AEBP2: variants seen among roughly 807,000 people sequenced by gnomAD.
AEBP2 encodes zinc finger protein AEBP2.
A neutral mutation model predicts 50.8 loss-of-function variants in AEBP2; 10 were observed. The observed-to-expected ratio is 0.20, with a 90% CI of 0.12 to 0.33. The LOEUF (loss-of-function observed/expected upper bound fraction) is 0.33. Ranked by LOEUF, AEBP2 falls within the 10% of genes least tolerant of loss-of-function variation. The pLI is 1.00. For synonymous variants in AEBP2, 296 were observed against 261.3 expected (o/e 1.13, Z -1.28); for missense variants, 570 against 688.0 (o/e 0.83, Z 1.92).
At chr12:19,467,032 G>C (rs1044615843) in intron 2 of AEBP2, among the ~76,000 whole-genome samples, 4 of 152,124 alleles carry the variant, frequency 2.6e-5, no homozygotes, top group Non-Finnish European at 2.9e-5. Flanking sequence ...GTCAAGTGGA[G>C]TTTAGATTTT....
chr12:19,430,533 G>A (rs867241630), intron 1 of AEBP2, among the ~76,000 whole-genome samples: 3 of 152,096 alleles, frequency 2.0e-5, no homozygotes, highest in East Asian at 3.9e-4. Context: ...GTAGCTTGAC[G>A]GGGATGGCAT....
At chr12:19,492,043 A>AT (rs893523552) in intron 3 of AEBP2, among the ~76,000 whole-genome samples, 13 of 152,188 alleles carry the variant, frequency 8.5e-5, no homozygotes, top group Non-Finnish European at 1.6e-4. Flanking sequence ...GAGGCATGTG[A>AT]TTTTTTTAAA....
rs145537122 is a variant in AEBP2, at chr12:19,441,365, T to A, written c.671+995T>A. On this transcript the variant is annotated intron_variant, in intron 1 of 7. Coordinates refer to ENST00000266508, the MANE Select transcript of AEBP2 (RefSeq NM_153207.5). Reference sequence around the variant, plus strand: ...GGTTAGTTGGTTTTTAATGTACTTTTAAAAAAACGAGAATCACATGCATAT... The same window carrying A: ...GGTTAGTTGGTTTTTAATGTACTTTAAAAAAAACGAGAATCACATGCATAT... 1.1e-3 allele frequency among the ~76,000 whole-genome samples: 170 copies of A among 152,294 alleles called. 1 individual carries two copies. Among genetic ancestry groups the A allele is most frequent in the African/African-American group, 3.7e-3 (153 of 41,564 alleles).
intron 1 of AEBP2, among the ~76,000 whole-genome samples, chr12:19,448,297 T>C (rs1328870967): frequency 6.6e-6 from 1 of 152,096 alleles, no homozygotes; most frequent in African/African-American, 2.4e-5. Flanking sequence ...ATTTTAAAAG[T>C]AAAGATCAGG....
rs371713996 is a variant in AEBP2, at chr12:19,496,820, C to G, written c.1174+2834C>G. Among the ~76,000 whole-genome samples the G allele has an allele frequency of 2.6e-5, 4 of 151,450 alleles. No homozygotes were observed. In the East Asian group the frequency reaches 7.8e-4, roughly 29 times the overall value. ...TGGGCTACAGGCACACACCACCACA[C>G]CCAACTAATTTTTGTATTTTTTTTT... On this transcript the variant is annotated intron_variant, in intron 4 of 7. Coordinates refer to ENST00000266508, the MANE Select transcript of AEBP2 (RefSeq NM_153207.5).
chr12:19,486,781 A>G (rs1331216989), intron 3 of AEBP2, among the ~76,000 whole-genome samples: 2 of 151,930 alleles, frequency 1.3e-5, no homozygotes, highest in East Asian at 3.9e-4. Context: ...ATGATATCTT[A>G]ATACTACCAG....
rs1949404428 is a variant in AEBP2, at chr12:19,521,915, C to T, written c.*3798C>T. The T allele has an allele frequency of 6.6e-6, 1 of 151,772 alleles. No homozygotes were observed. The highest frequency in any genetic ancestry group is 2.4e-5 in the African/African-American group (1 of 41,324). 9.4% of individuals were successfully genotyped at this position (151,772 alleles called of 1,614,324 possible). A position where few individuals can be genotyped will look rare whatever the true frequency, so the allele number is the denominator to read the frequency against. ...TTTAATCACAACTTAAAAAAAGAAA[C>T]CTTTAATACCTCTGCATAAGTTCTC... On this transcript the variant is annotated 3_prime_UTR_variant, in exon 8 of 8. Transcript: ENST00000266508.
intron 1 of AEBP2, among the ~76,000 whole-genome samples, chr12:19,459,121 G>GTT (rs1035998028): frequency 6.6e-5 from 10 of 152,128 alleles, no homozygotes. Flanking sequence ...AATTAGTATA[G>GTT]TTTATGTAAG....
intron 3 of AEBP2, among the ~76,000 whole-genome samples, chr12:19,493,129 A>G (rs961193899): frequency 6.6e-6 from 1 of 152,192 alleles, no homozygotes; most frequent in Non-Finnish European, 1.5e-5. Flanking sequence ...CCAGAAATAC[A>G]GCTGGCTTAC....
chr12:19,439,304 C>G (rs537300644), upstream of AEBP2, among the ~76,000 whole-genome samples: 1 of 151,040 alleles, frequency 6.6e-6, no homozygotes, highest in South Asian at 2.1e-4. Flanking sequence ...GTTTTCAGTC[C>G]GCGTGTCCCT....
At chr12:19,485,948 C>CTTT (rs60355570) in intron 3 of AEBP2, among the ~76,000 whole-genome samples, 8 of 91,218 alleles carry the variant, frequency 8.8e-5, no homozygotes, top group South Asian at 3.9e-4. Flanking sequence ...TGAGCCTCTG[C>CTTT]TTTTTTTTTT....
At chr12:19,411,882 C>A (rs1001149927) in intron 1 of AEBP2, among the ~76,000 whole-genome samples, 1 of 152,240 alleles carries the variant, frequency 6.6e-6, no homozygotes, top group East Asian at 1.9e-4. Context: ...GGAGAACAGA[C>A]TCAGACCATG....
intron 1 of AEBP2, among the ~76,000 whole-genome samples, chr12:19,452,870 A>T (rs907609275): frequency 6.6e-6 from 1 of 152,130 alleles, no homozygotes; most frequent in African/African-American, 2.4e-5. Context: ...TTTACCTGTT[A>T]ATATGATTAG....
chr12:19,517,992 T>C, intron 7 of AEBP2, 95 bp from the exon 8 acceptor site: 3 of 1,116,676 alleles, frequency 2.7e-6, no homozygotes, highest in Non-Finnish European at 3.8e-6. Context: ...GATCATCACA[T>C]TGCCTGTATC....
chr12:19,439,794 G>A lies in AEBP2; in HGVS notation c.95G>A (p.Arg32Gln), dbSNP rs1947910667. The A allele has an allele frequency of 2.0e-6, 3 of 1,513,826 alleles. No homozygotes were observed. The highest frequency in any genetic ancestry group is 2.6e-6 in the Non-Finnish European group (3 of 1,137,860). The allele number at this position is 1,513,826 out of a possible 1,614,324, so 93.8% of individuals were successfully genotyped here. Residue 32 changes from arginine (R) to glutamine (Q), a missense_variant, in exon 1 of 8, where the codon CGG (arginine) becomes CAG (glutamine). By Grantham distance (43) the Arg-to-Gln change is conservative. Around this residue, in one of 2 missense-constraint regions of AEBP2, gnomAD observed 386 missense variants for 336.8 expected, o/e 1.15. Coordinates refer to ENST00000266508, the MANE Select transcript of AEBP2 (RefSeq NM_153207.5). ...PGSPGSAARG[R>Q]AEPPEEEEEE... Reference sequence around the variant, plus strand: ...AGCCCGGGTTCGGCGGCGCGGGGCCGGGCTGAGCCCCCCGAGGAGGAGGAG... The same window carrying A: ...AGCCCGGGTTCGGCGGCGCGGGGCCAGGCTGAGCCCCCCGAGGAGGAGGAG...
intron 4 of AEBP2, among the ~76,000 whole-genome samples, chr12:19,495,343 G>C (rs1409746828): frequency 1.3e-5 from 2 of 152,168 alleles, no homozygotes; most frequent in Non-Finnish European, 2.9e-5. Context: ...TTTTTCTCTG[G>C]GGATTGATTA....
chr12:19,440,489 C>T (rs1260838072), intron 1 of AEBP2, 119 bp downstream of exon 1: 14 of 1,411,348 alleles, frequency 9.9e-6, no homozygotes, highest in Admixed American at 5.7e-5. Flanking sequence ...TCGGCCCCTC[C>T]CCCAGACTCT....
intron 2 of AEBP2, among the ~76,000 whole-genome samples, chr12:19,469,197 A>G (rs370802159): frequency 6.6e-6 from 1 of 152,148 alleles, no homozygotes; most frequent in African/African-American, 2.4e-5. Flanking sequence ...GAGTGCTGGG[A>G]TTACAGGCGT....
intron 2 of AEBP2, among the ~76,000 whole-genome samples, chr12:19,466,055 T>C (rs770443493): frequency 3.2e-4 from 49 of 151,990 alleles, no homozygotes; most frequent in Non-Finnish European, 6.2e-4. Flanking sequence ...TTGATCATCC[T>C]CCTCAGCCTC....
Sources: allele counts gnomAD v4.1 joint callset (sites outside exome capture counted in the v4.1 genomes callset), GRCh38; gene constraint gnomAD v4.1.1; regional missense constraint gnomAD v4.1.1; transcripts MANE v1.5; gene names NCBI Gene and HGNC (gene_info 2026-07-23, HGNC 2026-07-21).